Variants in NCOA6 observed in about 807,000 individuals in gnomAD.
The protein encoded by NCOA6 is NRC RAP250.
In NCOA6, 49 loss-of-function variants were observed where a neutral mutation model predicts 171.4. That is an observed-to-expected ratio of 0.29 (90% CI 0.23 to 0.36). The LOEUF (loss-of-function observed/expected upper bound fraction) is 0.36, where lower values mean the gene tolerates loss of function less well. Ranked by LOEUF, NCOA6 falls within the 10% of genes least tolerant of loss-of-function variation. The pLI is 1.00. For missense variants in NCOA6, 2,248 were observed against 2,554.5 expected (o/e 0.88, Z 2.59); for synonymous variants, 910 against 927.5 (o/e 0.98, Z 0.34).
chr20:34,821,043 A>G (rs1054043080), intron 1 of NCOA6: 1 of 152,224 alleles, frequency 6.6e-6, no homozygotes, highest in Non-Finnish European at 1.5e-5. Context: ...CTGCAGGTAC[A>G]CAGAGCATGG....
At position 34,740,978 on chromosome 20, in the gene NCOA6, C is replaced by T. The variant is rs2145555954; in HGVS notation, c.5278G>A (p.Val1760Met). 1 of 1,614,114 alleles carries T rather than the reference C, an allele frequency of 6.2e-7. No homozygotes were observed. The highest frequency in any genetic ancestry group is 2.2e-5 in the East Asian group (1 of 44,880). Residue 1760 changes from valine to methionine, a missense_variant, in exon 11 of 15, where the codon GTG (valine) becomes ATG (methionine). Around this residue, in one of 7 missense-constraint regions of NCOA6, gnomAD observed 884 missense variants for 941.9 expected, o/e 0.94. Coordinates refer to ENST00000359003, the MANE Select transcript of NCOA6 (RefSeq NM_014071.5). ...GGATTCAATTCTTTCACTTGCTGCA[C>T]AGGGGGATGAGAAGGGACAACTGGA... ...SSPVVPSHPPVQQVKELNPDE... is the reference protein window; with the variant it reads ...SSPVVPSHPPMQQVKELNPDE...
intron 1 of NCOA6, among the ~76,000 whole-genome samples, chr20:34,795,200 G>A (rs534685040): frequency 7.9e-5 from 12 of 152,292 alleles, no homozygotes; most frequent in Non-Finnish European, 1.3e-4. Context: ...ATTTTTGCAT[G>A]ATCGAAAATT....
intron 1 of NCOA6, chr20:34,820,576 GC>G (rs2078977671): frequency 6.6e-6 from 1 of 152,006 alleles, no homozygotes; most frequent in African/African-American, 2.4e-5. Flanking sequence ...TTTGAGACCA[GC>G]CTGGCCAACA....
At chr20:34,735,941 CT>C (rs76847363) in intron 12 of NCOA6, among the ~76,000 whole-genome samples, 318 of 145,854 alleles carry the variant, frequency 2.2e-3, no homozygotes, top group Middle Eastern at 3.6e-3. Flanking sequence ...ACCAGTCATA[CT>C]TTTTTTTTTT....
At chr20:34,723,202 T>C (rs910594372) in intron 14 of NCOA6, among the ~76,000 whole-genome samples, 1 of 152,146 alleles carries the variant, frequency 6.6e-6, no homozygotes, top group East Asian at 1.9e-4. Context: ...GCATTGGAAG[T>C]GGGCAGCAGT....
chr20:34,716,144 C>T (rs925972529), intron 14 of NCOA6, among the ~76,000 whole-genome samples: 3 of 137,342 alleles, frequency 2.2e-5, no homozygotes, highest in Admixed American at 8.3e-5. Flanking sequence ...GCTTGAACTA[C>T]GGAGGTGAAG....
At position 34,715,463 on chromosome 20, in the gene NCOA6, C is replaced by G. The variant is rs7273415; in HGVS notation, c.6149-98G>C. The G allele has an allele frequency of 4.1e-3, 3,455 of 849,984 alleles. 93 individuals are homozygous for G. The African/African-American group carries it at 0.052, about 13-fold the overall frequency. 52.7% of individuals were successfully genotyped at this position (849,984 alleles called of 1,614,324 possible). On this transcript the variant is annotated intron_variant, in intron 14 of 14. Coordinates refer to ENST00000359003, the MANE Select transcript of NCOA6 (RefSeq NM_014071.5). ...AAGCAGGGCAGACCTAAGGGGAGCC[C>G]TACTCAACTCAGAATCTGTCTAAGG...
Position 34,736,756 on chromosome 20 carries a change from G to A in NCOA6, c.5896C>T (p.Pro1966Ser). 3 of 1,607,216 alleles carry A rather than the reference G, an allele frequency of 1.9e-6. No individual in the cohort carries two copies. Among genetic ancestry groups the A allele is most frequent in the Non-Finnish European group, 2.5e-6 (3 of 1,176,598 alleles). The stretch of plus-strand genomic sequence containing the variant: ...TCCTTTGAGACTAAATTCTGCGACG[G>A]GGCTAAGGCAAGGAAAAAAAAATTA... ...SHPELLPSIA[P>S]SQNLVSKETS... The change falls in exon 12 of 15, where the codon CCG (proline) becomes TCG (serine). Residue 1966 changes from proline to serine, a missense_variant and splice_region_variant. By Grantham distance (74) the Pro-to-Ser change is moderately conservative. Transcript: ENST00000359003.
intron 14 of NCOA6, among the ~76,000 whole-genome samples, chr20:34,716,968 C>T (rs1175236844): frequency 1.3e-5 from 2 of 152,072 alleles, no homozygotes; most frequent in African/African-American, 2.4e-5. Context: ...TATATCAATA[C>T]AAAAGATGAA....
In NCOA6 at chr20:34,740,667, C is replaced by A. The variant is rs2076109966; in HGVS notation, c.5589G>T (p.Gly1863=). ...EGQGLDTTAP[G]LMGTEQLSTE... ...TGGATAACTGCTCTGTTCCCATGAGCCCCGGAGCTGTGGTGTCTAGCCCTT... is the reference window on the plus strand; with the variant it reads ...TGGATAACTGCTCTGTTCCCATGAGACCCGGAGCTGTGGTGTCTAGCCCTT... Residue 1863 remains glycine, a synonymous_variant, in exon 11 of 15, where the codon GGG becomes GGT. Transcript: ENST00000359003. 2 of 1,614,056 alleles carry A rather than the reference C, an allele frequency of 1.2e-6. No homozygotes were observed. The highest frequency in any genetic ancestry group is 1.7e-6 in the Non-Finnish European group (2 of 1,180,044).
Position 34,743,189 on chromosome 20 carries a change from A to C in NCOA6, c.3067T>G (p.Ser1023Ala), listed in dbSNP as rs754983158. ...QQPPPPSQPQ[S>A]QQQQQQQQQM... ...TGCTGCTGCTGCTGCTGCTGCTGAGACTGTGGCTGACTGGGAGGTGGTGGC... is the reference window on the plus strand; with the variant it reads ...TGCTGCTGCTGCTGCTGCTGCTGAGCCTGTGGCTGACTGGGAGGTGGTGGC... Residue 1023 changes from serine (S) to alanine (A), a missense_variant, in exon 11 of 15, where the codon TCT becomes GCT. Physicochemically the swap from Ser to Ala is moderately conservative, Grantham distance 99. This residue lies in a region of NCOA6 where 352 missense variants were observed against 419.1 expected (regional missense o/e 0.84). Transcript: ENST00000359003. The C allele has an allele frequency of 6.2e-7, 1 of 1,613,592 alleles. No individual in the cohort carries two copies. The highest frequency in any genetic ancestry group is 2.2e-5 in the East Asian group (1 of 44,894).
intron 13 of NCOA6, 64 bp from the exon 14 acceptor site, chr20:34,727,471 TC>T: frequency 6.4e-7 from 1 of 1,559,496 alleles, no homozygotes; most frequent in Non-Finnish European, 8.8e-7. Flanking sequence ...AAAAACGGGC[TC>T]TTCAGATAGT....
At chr20:34,769,912 G>A (rs6060038) in intron 4 of NCOA6, among the ~76,000 whole-genome samples, 69,277 of 152,028 alleles carry the variant, frequency 0.46, 16,253 homozygotes, top group East Asian at 0.63. Context: ...TGTGGCTGCT[G>A]AGCTGAAAGG....
chr20:34,732,488 T>C, intron 13 of NCOA6, 71 bp downstream of exon 13: 1 of 1,460,926 alleles, frequency 6.8e-7, no homozygotes, highest in Non-Finnish European at 9.5e-7. Context: ...GTTTAAAGAC[T>C]GAGACAGCTG....
intron 11 of NCOA6, 34 bp downstream of exon 11, chr20:34,740,329 G>T: frequency 1.9e-6 from 3 of 1,581,934 alleles, no homozygotes; most frequent in South Asian, 1.2e-5. Context: ...TCAAAAAACT[G>T]ACACAAAGAG....
chr20:34,815,122 G>A (rs1345132654), intron 1 of NCOA6, among the ~76,000 whole-genome samples: 3 of 151,812 alleles, frequency 2.0e-5, no homozygotes, highest in Admixed American at 6.6e-5. Context: ...GCACACGCCT[G>A]TAATCCCAGC....
rs146770351 is a variant in NCOA6 at position 34,818,091 on chromosome 20, G to T, written c.-164+7381C>A. ...TCTTCTTCATTTTATATGTAAAAAG[G>T]GATTAAAAACCAGTGCCTACCTCAT... On this transcript the variant is annotated intron_variant, in intron 1 of 14. Transcript: ENST00000359003. 8.5e-5 allele frequency among the ~76,000 whole-genome samples: 13 copies of T among 152,240 alleles called. No individual in the cohort carries two copies. In the East Asian group the frequency reaches 2.5e-3, roughly 29 times the overall value.
At chr20:34,722,360 G>A (rs977100508) in intron 14 of NCOA6, among the ~76,000 whole-genome samples, 2 of 151,538 alleles carry the variant, frequency 1.3e-5, no homozygotes, top group Non-Finnish European at 2.9e-5. Context: ...CAGCCTGGGC[G>A]ATGGAGTGAG....
rs985063413 is a variant in NCOA6, at chr20:34,825,491, TC to T, written c.-184del. ...CCTCACCTGAGCGCGGCCCCGGCCC[TC>T]CCGGGCGGGCCTTGGAGCGCCGGCC... On this transcript the variant is annotated 5_prime_UTR_variant, in exon 1 of 15. Coordinates refer to ENST00000359003, the MANE Select transcript of NCOA6 (RefSeq NM_014071.5). 4 of 146,388 alleles carry T rather than the reference TC, an allele frequency of 2.7e-5. No homozygotes were observed. The highest frequency in any genetic ancestry group is 1.0e-4 in the African/African-American group (4 of 40,044). The allele number at this position is 146,388 out of a possible 1,614,324, so 9.1% of individuals were successfully genotyped here.
Sources: allele counts gnomAD v4.1 joint callset (sites outside exome capture counted in the v4.1 genomes callset), GRCh38; gene constraint gnomAD v4.1.1; regional missense constraint gnomAD v4.1.1; transcripts MANE v1.5; gene names NCBI Gene and HGNC (gene_info 2026-07-23, HGNC 2026-07-21).